C22orf31: variants seen among roughly 807,000 people sequenced by gnomAD.
C22orf31 encodes chromosome 22 open reading frame 31.
C22orf31 carries 11 observed loss-of-function variants against 15.0 expected under a neutral mutation model. The ratio of observed to expected loss-of-function variants is 0.73; its 90% CI spans 0.46 to 1.21. The LOEUF (loss-of-function observed/expected upper bound fraction) is 1.21, where lower values mean the gene tolerates loss of function less well. Ranked by LOEUF, C22orf31 falls within the 50% of genes most tolerant of loss-of-function variation. The pLI is 0.00. For synonymous variants in C22orf31, 132 were observed against 133.3 expected (o/e 0.99, Z 0.07); for missense variants, 340 against 347.2 (o/e 0.98, Z 0.17).
chr22:29,058,678 G>A lies in C22orf31; in HGVS notation c.*64C>T. ...AGCACTCTGCGATAACACGGAAGGT[G>A]CAAAGTTGTGTTTATTTTTCAGATC... On this transcript the variant is annotated 3_prime_UTR_variant, in exon 3 of 3. Transcript: ENST00000216071. 2.3e-6 allele frequency: 3 copies of A among 1,301,784 alleles called. No homozygotes were observed. The highest frequency in any genetic ancestry group is 3.2e-6 in the Non-Finnish European group (3 of 933,328). The allele number at this position is 1,301,784 out of a possible 1,614,324, so 80.6% of individuals were successfully genotyped here.
the C22orf31 span, chr22:29,073,148 C>T: frequency 9.0e-7 from 1 of 1,116,604 alleles, no homozygotes; most frequent in Non-Finnish European, 1.1e-6. The surrounding 1 kb of genome is among the most constrained non-coding windows in gnomAD (Gnocchi z 4.4). Flanking sequence ...CGCCAGCCGC[C>T]CGCCTCGCCC....
chr22:29,073,816 G>A, the C22orf31 span, among the ~76,000 whole-genome samples: 13 of 151,464 alleles, frequency 8.6e-5, no homozygotes, highest in Admixed American at 2.6e-4. The surrounding 1 kb of genome is among the most constrained non-coding windows in gnomAD (Gnocchi z 4.4). Context: ...CTCCCGGGCC[G>A]GGACGACCCC....
upstream of C22orf31, among the ~76,000 whole-genome samples, chr22:29,066,692 C>A (rs2037433984): frequency 6.6e-6 from 1 of 151,694 alleles, no homozygotes; most frequent in Non-Finnish European, 1.5e-5. Context: ...TACTGAGTAA[C>A]TGGGATTACA....
chr22:29,062,983 A>G (rs906575909), upstream of C22orf31, among the ~76,000 whole-genome samples: 6 of 152,070 alleles, frequency 3.9e-5, no homozygotes, highest in African/African-American at 2.4e-5. Context: ...CTCCTGGGCT[A>G]CCTGGAAATT....
intron 2 of C22orf31, chr22:29,060,021 C>CTTTCTTTT (rs2037367703): frequency 1.9e-6 from 1 of 513,144 alleles, no homozygotes; most frequent in Non-Finnish European, 2.4e-6. Context: ...TTTTTCTTTT[C>CTTTCTTTT]TTTTTTTTTT....
intron 2 of C22orf31, among the ~76,000 whole-genome samples, 190 bp from the exon 3 acceptor site, chr22:29,059,372 G>A (rs1159265135): frequency 1.3e-5 from 2 of 152,124 alleles, no homozygotes; most frequent in Non-Finnish European, 2.9e-5. Context: ...GAGGTCAGCA[G>A]GAGACAACTT....
chr22:29,067,413 AATT>A, the C22orf31 span, among the ~76,000 whole-genome samples: 8 of 151,616 alleles, frequency 5.3e-5, no homozygotes, highest in Admixed American at 3.3e-4. Context: ...ATTTTTTATT[AATT>A]ATTATTATTA....
In C22orf31 at chr22:29,058,876, G is replaced by C. The variant is rs374421493; in HGVS notation, c.739C>G (p.Leu247Val). 6.2e-7 allele frequency: 1 copy of C among 1,614,184 alleles called. No homozygotes were observed. ...CCCTGACTGCAAAGAGCCTCCCAGA[G>C]CTTTTGTTTAATGGCCTTGCCCAGC... Reference protein sequence around the residue: ...LELGKAIKQKLWEALCSQGAI... With the variant: ...LELGKAIKQKVWEALCSQGAI... Residue 247 changes from leucine to valine, a missense_variant, in exon 3 of 3, where the codon CTC (leucine) becomes GTC (valine). Transcript: ENST00000216071.
At chr22:29,068,319 A>G in the C22orf31 span, among the ~76,000 whole-genome samples, 10 of 151,304 alleles carry the variant, frequency 6.6e-5, no homozygotes, top group South Asian at 2.1e-4. Context: ...CGAACTCCTA[A>G]CCTCAAGTGA....
chr22:29,066,263 C>G (rs2037428910), upstream of C22orf31, among the ~76,000 whole-genome samples: 1 of 152,004 alleles, frequency 6.6e-6, no homozygotes, highest in Admixed American at 6.6e-5. Flanking sequence ...GTTTTAACAC[C>G]CAAGCAGTAA....
the C22orf31 span, among the ~76,000 whole-genome samples, chr22:29,068,680 G>A: frequency 1.3e-5 from 2 of 151,394 alleles, no homozygotes; most frequent in Non-Finnish European, 2.9e-5. Context: ...AAAGTGCTGG[G>A]ATTACAGGCG....
chr22:29,059,535 A>G (rs1166801831), intron 2 of C22orf31: 19 of 235,510 alleles, frequency 8.1e-5, no homozygotes, highest in Non-Finnish European at 1.2e-4. Context: ...TTTAACATTC[A>G]TGAAGCCCTA....
In C22orf31 at chr22:29,061,814, A is replaced by G; in HGVS notation, c.-22T>C. On this transcript the variant is annotated 5_prime_UTR_variant, in exon 1 of 3. Transcript: ENST00000216071. ...CCATATTTCAGTTGCCTTAAATTTTATTTTCGCTAGCTTAGTAAGGGGAAG... is the reference window on the plus strand; with the variant it reads ...CCATATTTCAGTTGCCTTAAATTTTGTTTTCGCTAGCTTAGTAAGGGGAAG... 1 of 1,532,212 alleles carries G rather than the reference A, an allele frequency of 6.5e-7. No individual in the cohort carries two copies. Among genetic ancestry groups the G allele is most frequent in the South Asian group, 1.2e-5 (1 of 84,482 alleles). 94.9% of individuals were successfully genotyped at this position (1,532,212 alleles called of 1,614,324 possible).
At chr22:29,061,942 C>T, upstream of C22orf31, 1 of 610,464 alleles carries the variant, frequency 1.6e-6, no homozygotes, top group Non-Finnish European at 2.9e-6. Context: ...CACATATGGG[C>T]AAATTGCTGT....
chr22:29,073,072 G>C, the C22orf31 span: 1 of 452,674 alleles, frequency 2.2e-6, no homozygotes, highest in Non-Finnish European at 2.9e-6. The surrounding 1 kb of genome is among the most constrained non-coding windows in gnomAD (Gnocchi z 4.4). Flanking sequence ...GCCGCCCCCG[G>C]CTCCCCGCGC....
the C22orf31 span, among the ~76,000 whole-genome samples, chr22:29,070,993 G>A: frequency 6.6e-6 from 1 of 152,178 alleles, no homozygotes. Context: ...TGGGCTGAGA[G>A]CTTCACCTGC....
At position 29,058,966 on chromosome 22, in the gene C22orf31, A is replaced by G; in HGVS notation, c.649T>C (p.Tyr217His). 1 of 1,614,070 alleles carries G rather than the reference A, an allele frequency of 6.2e-7. No homozygotes were observed. The highest frequency in any genetic ancestry group is 8.5e-7 in the Non-Finnish European group (1 of 1,179,944). The change falls in exon 3 of 3, where the codon TAC becomes CAC. Residue 217 changes from tyrosine to histidine, a missense_variant. Tyr to His is a moderately conservative substitution (Grantham distance 83). Transcript: ENST00000216071. ...GLPTEGYQALYHAVVEPMLWN... is the reference protein window; with the variant it reads ...GLPTEGYQALHHAVVEPMLWN... ...AGCATTGGCTCCACCACAGCGTGGT[A>G]CAGAGCCTGGTAACCCTCTGTGGGG...
the C22orf31 span, among the ~76,000 whole-genome samples, chr22:29,073,902 A>G: frequency 1.3e-4 from 20 of 151,820 alleles, no homozygotes; most frequent in South Asian, 8.3e-4. This position sits in a 1 kb window ranked among gnomAD's most constrained non-coding sequence, Gnocchi z 4.4. Flanking sequence ...CTCCCCCGCT[A>G]CAAGAGGCTA....
At chr22:29,067,816 G>A in the C22orf31 span, among the ~76,000 whole-genome samples, 10 of 152,178 alleles carry the variant, frequency 6.6e-5, no homozygotes, top group South Asian at 2.1e-4. Flanking sequence ...CTGTATCCTC[G>A]TTCACTGTAA....
Sources: gnomAD v4.1 joint callset for allele counts (sites outside exome capture counted in the v4.1 genomes callset) on GRCh38, gnomAD v4.1.1 for gene constraint, Gnocchi (gnomAD v3.1) non-coding constraint, MANE v1.5 for transcripts, NCBI Gene and HGNC (gene_info 2026-07-23, HGNC 2026-07-21) for gene names.